The following KCNH7 variants were observed in gnomAD, a reference collection of about 807,000 sequenced individuals.
KCNH7 encodes potassium voltage-gated channel subfamily H member 7, also known as voltage-gated inwardly rectifying potassium channel KCNH7.
Under a neutral mutation model 120.8 loss-of-function variants are expected in KCNH7, and 49 were observed. The observed-to-expected ratio is 0.41, with a 90% CI of 0.32 to 0.51. KCNH7 has a LOEUF of 0.51. Among genes scored for constraint, KCNH7 ranks in the 20% least tolerant of loss-of-function variants. KCNH7 has a pLI of 0.38. For missense variants in KCNH7, 1,097 were observed against 1,446.6 expected (o/e 0.76, Z 3.92); for synonymous variants, 547 against 516.1 (o/e 1.06, Z -0.81).
At chr2:162,756,523 G>A (rs1261187328) in intron 2 of KCNH7, among the ~76,000 whole-genome samples, 1 of 152,166 alleles carries the variant, frequency 6.6e-6, no homozygotes, top group Non-Finnish European at 1.5e-5. Flanking sequence ...TTGCAGTGCA[G>A]TGGCACATTC....
chr2:162,694,725 G>T (rs1686229314), intron 2 of KCNH7, among the ~76,000 whole-genome samples: 1 of 152,034 alleles, frequency 6.6e-6, no homozygotes. Flanking sequence ...CTTCCAGCTA[G>T]CTTAGAGTTA....
intron 2 of KCNH7, among the ~76,000 whole-genome samples, chr2:162,805,467 C>T (rs2105553288): frequency 6.6e-6 from 1 of 152,014 alleles, no homozygotes; most frequent in Non-Finnish European, 1.5e-5. Context: ...AGATGGCCAA[C>T]AAACATATGA....
intron 2 of KCNH7, among the ~76,000 whole-genome samples, chr2:162,781,218 T>C (rs897134267): frequency 1.3e-5 from 2 of 152,122 alleles, no homozygotes; most frequent in Admixed American, 6.5e-5. Context: ...TTGTGCTAAA[T>C]GTTTTGTATG....
At chr2:162,574,308 C>G (rs77168239) in intron 2 of KCNH7, among the ~76,000 whole-genome samples, 37,659 of 151,816 alleles carry the variant, frequency 0.25, 6,187 homozygotes, top group Non-Finnish European at 0.38. Context: ...TTCAAGTTGA[C>G]AGACAAGCCT....
chr2:162,381,981 G>C (rs1686433553), intron 13 of KCNH7, among the ~76,000 whole-genome samples: 4 of 152,066 alleles, frequency 2.6e-5, no homozygotes, highest in Admixed American at 2.6e-4. Context: ...GCTTTTCTCT[G>C]TCTAGTCTGC....
intron 7 of KCNH7, among the ~76,000 whole-genome samples, chr2:162,442,713 C>T (rs114919195): frequency 2.0e-5 from 3 of 152,008 alleles, no homozygotes; most frequent in East Asian, 1.9e-4. Flanking sequence ...GAAAATTAGC[C>T]GGGTATGGTG....
chr2:162,654,356 C>CA lies in KCNH7; in HGVS notation c.308-117277dup, dbSNP rs199647181. 6.3e-3 allele frequency among the ~76,000 whole-genome samples: 939 copies of CA among 148,812 alleles called. 6 individuals carry two copies. Among genetic ancestry groups the CA allele is most frequent in the South Asian group, 0.017 (80 of 4,710 alleles). ...GAAGAGGCTCTGAATAGAAATTACT[C>CA]AAAAAAAAACATAGAAATGGCCAAC... On this transcript the variant is annotated intron_variant, in intron 2 of 15. Coordinates refer to ENST00000332142, the MANE Select transcript of KCNH7 (RefSeq NM_033272.4).
chr2:162,593,655 A>T (rs1694285317), intron 2 of KCNH7, among the ~76,000 whole-genome samples: 1 of 152,034 alleles, frequency 6.6e-6, no homozygotes, highest in Non-Finnish European at 1.5e-5. Flanking sequence ...TCCTGCTTTC[A>T]GGTCAAATCT....
In KCNH7 at chr2:162,667,250, G is replaced by A. The variant is rs183566684; in HGVS notation, c.308-130170C>T. Among the ~76,000 whole-genome samples, 39 of 151,902 alleles carry A rather than the reference G, an allele frequency of 2.6e-4. 1 individual carries two copies. The highest frequency in any genetic ancestry group is 6.2e-4 in the South Asian group (3 of 4,812). ...TGCCTAGGCTATTCTCAAACTCCTG[G>A]ATTCCAGTGATCCTCCTGCCTCAGT... is the stretch of plus-strand genomic sequence containing the variant. On this transcript the variant is annotated intron_variant, in intron 2 of 15. Transcript: ENST00000332142.
At chr2:162,575,747 T>A (rs577187574) in intron 2 of KCNH7, among the ~76,000 whole-genome samples, 2 of 152,072 alleles carry the variant, frequency 1.3e-5, no homozygotes, top group Non-Finnish European at 2.9e-5. Context: ...AACAACAGCA[T>A]CTATTTGTGA....
intron 2 of KCNH7, among the ~76,000 whole-genome samples, chr2:162,733,803 A>T (rs1195448554): frequency 9.9e-5 from 15 of 152,230 alleles, no homozygotes; most frequent in Admixed American, 8.5e-4. Context: ...AAGGGAAGTG[A>T]ATAGAACAAG....
chr2:162,760,514 T>C (rs1688933991), intron 2 of KCNH7, among the ~76,000 whole-genome samples: 1 of 152,068 alleles, frequency 6.6e-6, no homozygotes, highest in Non-Finnish European at 1.5e-5. Flanking sequence ...CCTTGTAGGT[T>C]TTAAGAGAAT....
intron 2 of KCNH7, among the ~76,000 whole-genome samples, chr2:162,630,202 C>T (rs1683716152): frequency 6.6e-6 from 1 of 151,900 alleles, no homozygotes; most frequent in African/African-American, 2.4e-5. Flanking sequence ...TTAAGTTTTG[C>T]AAATATTGAA....
rs2105402103 is a variant in KCNH7, at chr2:162,379,864, C to A, written c.3120G>T (p.Glu1040Asp). 1.2e-6 allele frequency: 2 copies of A among 1,613,902 alleles called. No individual in the cohort carries two copies. The highest frequency in any genetic ancestry group is 4.5e-5 in the East Asian group (2 of 44,856). Residue 1040 changes from glutamate to aspartate, a missense_variant, in exon 14 of 16, where the codon GAG (glutamate) becomes GAT (aspartate). Physicochemically the swap from Glu to Asp is conservative, Grantham distance 45 (BLOSUM62 2). This residue lies in a region of KCNH7 where 406 missense variants were observed against 410.5 expected (regional missense o/e 0.99). Coordinates refer to ENST00000332142, the MANE Select transcript of KCNH7 (RefSeq NM_033272.4). The part of the protein sequence containing the change: ...EVEQRLDLLQ[E>D]QLNRLESQMT... ...ATCACTGCTTATACCTGTTAAGTTG[C>A]TCCTGGAGCAGATCTAATCTTTGTT...
At chr2:162,624,278 A>G (rs1474639231) in intron 2 of KCNH7, among the ~76,000 whole-genome samples, 1 of 152,262 alleles carries the variant, frequency 6.6e-6, no homozygotes, top group East Asian at 1.9e-4. Flanking sequence ...CCATTTTATC[A>G]TCACATATCA....
intron 2 of KCNH7, among the ~76,000 whole-genome samples, chr2:162,730,205 C>T (rs1687678167): frequency 6.7e-6 from 1 of 150,078 alleles, no homozygotes; most frequent in Non-Finnish European, 1.5e-5. Context: ...CAAAATATAT[C>T]TAGTAAGAAT....
At chr2:162,815,324 A>T (rs1015930450) in intron 2 of KCNH7, among the ~76,000 whole-genome samples, 2 of 152,194 alleles carry the variant, frequency 1.3e-5, no homozygotes, top group African/African-American at 2.4e-5. Flanking sequence ...AATATTAAAA[A>T]ATGAGACATG....
intron 2 of KCNH7, among the ~76,000 whole-genome samples, chr2:162,773,701 C>T (rs1683141330): frequency 6.6e-6 from 1 of 152,054 alleles, no homozygotes; most frequent in South Asian, 2.1e-4. Context: ...ATGAAATAGC[C>T]TGTCATTTTG....
At chr2:162,552,239 G>A (rs1450989891) in intron 2 of KCNH7, among the ~76,000 whole-genome samples, 1 of 152,098 alleles carries the variant, frequency 6.6e-6, no homozygotes, top group African/African-American at 2.4e-5. Context: ...GTGAAATTCT[G>A]ACACTTGCCC....
Sources: gnomAD v4.1 joint callset for allele counts (sites outside exome capture counted in the v4.1 genomes callset) on GRCh38, gnomAD v4.1.1 for gene constraint, gnomAD v4.1.1 regional missense constraint, MANE v1.5 for transcripts, NCBI Gene and HGNC (gene_info 2026-07-23, HGNC 2026-07-21) for gene names.